The following ATP9B variants were observed in gnomAD, a reference collection of about 807,000 sequenced individuals.
ATP9B encodes probable phospholipid-transporting ATPase IIB.
Under a neutral mutation model 146.1 loss-of-function variants are expected in ATP9B, and 110 were observed. The ratio of observed to expected loss-of-function variants is 0.75; its 90% confidence interval spans 0.65 to 0.88. The LOEUF is 0.88. Among genes scored for constraint, ATP9B ranks in the 40% least tolerant of loss-of-function variants. The pLI is 0.00. For missense variants in ATP9B, 1,499 were observed against 1,496.4 expected, an observed-to-expected ratio of 1.00 and a Z score of -0.03; for synonymous variants, 604 against 569.7, an observed-to-expected ratio of 1.06 and a Z score of -0.86.
At chr18:79,132,252 T>C (rs2094389288) in intron 5 of ATP9B, among the ~76,000 whole-genome samples, 1 of 152,344 alleles carries the variant, frequency 6.6e-6, no homozygotes, top group East Asian at 1.9e-4. Flanking sequence ...AAATTTACCA[T>C]TTAAGAAAAA....
Position 79,377,462 on chromosome 18 carries a change from G to A in ATP9B, c.*79G>A, listed in dbSNP as rs1172543072. On this transcript the variant is annotated 3_prime_UTR_variant, in exon 30 of 30. Coordinates refer to ENST00000426216, the MANE Select transcript of ATP9B (RefSeq NM_198531.5). ...CCTTGTGCCCTTGCCAGTGAACGCA[G>A]GGTTTGCCATTGCTACCAAGCAAGC... The A allele has an allele frequency of 1.3e-6, 2 of 1,534,544 alleles. No homozygotes were observed. Among genetic ancestry groups the A allele is most frequent in the Non-Finnish European group, 1.8e-6 (2 of 1,135,942 alleles).
chr18:79,224,632 T>G (rs2095711727), intron 11 of ATP9B, among the ~76,000 whole-genome samples: 1 of 152,224 alleles, frequency 6.6e-6, no homozygotes, highest in Admixed American at 6.5e-5. Context: ...CAGGGACACC[T>G]TCAAGCCAGC....
At chr18:79,353,096 T>C (rs909380853) in intron 25 of ATP9B, 2 of 152,248 alleles carry the variant, frequency 1.3e-5, no homozygotes, top group African/African-American at 4.8e-5. Flanking sequence ...AAGGCTCTGC[T>C]ACCACGGAGG....
chr18:79,154,630 A>ATCTATAC (rs2094745811), intron 7 of ATP9B, 75 bp downstream of exon 7: 6 of 983,574 alleles, frequency 6.1e-6, no homozygotes, highest in Non-Finnish European at 8.8e-6. Context: ...CTATACAAGG[A>ATCTATAC]AAAACTGTTT....
intron 9 of ATP9B, among the ~76,000 whole-genome samples, chr18:79,203,358 G>T (rs553484998): frequency 7.1e-6 from 1 of 141,424 alleles, no homozygotes; most frequent in Non-Finnish European, 1.5e-5. Flanking sequence ...CCGATACTTC[G>T]TAGAGGTAGG....
chr18:79,127,531 C>G (rs879604282), intron 5 of ATP9B, among the ~76,000 whole-genome samples: 1 of 152,224 alleles, frequency 6.6e-6, no homozygotes, highest in Non-Finnish European at 1.5e-5. Context: ...TAGTAGCATT[C>G]ATCAGTACTT....
chr18:79,081,323 C>T (rs1054731433), intron 1 of ATP9B, among the ~76,000 whole-genome samples: 6 of 152,036 alleles, frequency 3.9e-5, no homozygotes, highest in African/African-American at 7.2e-5. Flanking sequence ...TTCAGGGATT[C>T]AACTTCTTCC....
chr18:79,147,912 T>C (rs2094617727), intron 6 of ATP9B, among the ~76,000 whole-genome samples: 1 of 152,060 alleles, frequency 6.6e-6, no homozygotes, highest in Non-Finnish European at 1.5e-5. Context: ...TTAATAAAAT[T>C]GATAGACCTT....
At chr18:79,108,764 A>C (rs2075818182) in intron 2 of ATP9B, among the ~76,000 whole-genome samples, 1 of 152,234 alleles carries the variant, frequency 6.6e-6, no homozygotes, top group South Asian at 2.1e-4. Context: ...CAGTGTGAGG[A>C]TCTTCCCAGC....
intron 1 of ATP9B, among the ~76,000 whole-genome samples, chr18:79,084,256 G>T (rs1418116794): frequency 6.6e-6 from 1 of 151,700 alleles, no homozygotes; most frequent in Non-Finnish European, 1.5e-5. Flanking sequence ...ACCCCGTTGG[G>T]TACCCCGGGT....
chr18:79,154,525 A>G lies in ATP9B; in HGVS notation c.748A>G (p.Met250Val). 1.9e-6 allele frequency: 3 copies of G among 1,542,930 alleles called. No individual in the cohort carries two copies. The highest frequency in any genetic ancestry group is 1.7e-6 in the Non-Finnish European group (2 of 1,153,428). Residue 250 changes from methionine to valine, a missense_variant, in exon 7 of 30, where the codon ATG becomes GTG. Transcript: ENST00000426216. ...VEKNQRIPSDMVFLRTSEKAG... is the reference protein window; with the variant it reads ...VEKNQRIPSDVVFLRTSEKAG... ...GCAGAATCAAAGAATTCCATCGGAC[A>G]TGGTGTTTCTTAGGACTTCAGAAAA...
intron 8 of ATP9B, among the ~76,000 whole-genome samples, chr18:79,186,291 A>C (rs180842946): frequency 3.4e-4 from 52 of 152,358 alleles, no homozygotes; most frequent in Non-Finnish European, 6.2e-4. Context: ...AAGTAATGCG[A>C]ACAAGTGTTG....
At chr18:79,323,576 C>T (rs141325563) in intron 15 of ATP9B, among the ~76,000 whole-genome samples, 21 of 152,254 alleles carry the variant, frequency 1.4e-4, no homozygotes, top group South Asian at 8.3e-4. Context: ...TTTCTGTGCC[C>T]GGCTGATTTC....
At chr18:79,232,283 A>G (rs2095800100) in intron 11 of ATP9B, among the ~76,000 whole-genome samples, 1 of 152,204 alleles carries the variant, frequency 6.6e-6, no homozygotes, top group South Asian at 2.1e-4. Flanking sequence ...TTTAATCATA[A>G]GATTGTAGCA....
At chr18:79,262,284 A>AG (rs1168767406) in intron 12 of ATP9B, among the ~76,000 whole-genome samples, 1 of 152,124 alleles carries the variant, frequency 6.6e-6, no homozygotes, top group Non-Finnish European at 1.5e-5. Context: ...ATTTTTCTTT[A>AG]GGAAAAAAAA....
chr18:79,192,349 C>T (rs1370671023), intron 8 of ATP9B, among the ~76,000 whole-genome samples: 1 of 151,906 alleles, frequency 6.6e-6, no homozygotes, highest in Non-Finnish European at 1.5e-5. Context: ...GGTTGGGGGG[C>T]GGGTCACAAG....
intron 9 of ATP9B, among the ~76,000 whole-genome samples, chr18:79,205,480 T>C (rs1471842637): frequency 6.6e-6 from 1 of 152,094 alleles, no homozygotes; most frequent in Non-Finnish European, 1.5e-5. Context: ...AAATTTGATT[T>C]CTTTTTTTTT....
intron 25 of ATP9B, among the ~76,000 whole-genome samples, chr18:79,357,238 G>A (rs76621489): frequency 7.1e-4 from 4 of 5,628 alleles, no homozygotes; most frequent in African/African-American, 1.8e-3. Context: ...TGTGTGAGGG[G>A]TGCTCTGGGT....
chr18:79,211,911 T>G (rs1195947676), intron 10 of ATP9B, among the ~76,000 whole-genome samples: 1 of 152,248 alleles, frequency 6.6e-6, no homozygotes, highest in African/African-American at 2.4e-5. Flanking sequence ...GGAATTCTTC[T>G]GTTTAAGTAT....
Sources: gnomAD v4.1 joint callset for allele counts (sites outside exome capture counted in the v4.1 genomes callset) on GRCh38, gnomAD v4.1.1 for gene constraint, MANE v1.5 for transcripts, NCBI Gene and HGNC (gene_info 2026-07-23, HGNC 2026-07-21) for gene names.